The following TMEM196 variants were observed in gnomAD, a reference collection of about 807,000 sequenced individuals.
The protein encoded by TMEM196 is transmembrane protein 196.
TMEM196 carries 17 observed loss-of-function variants against 20.0 expected under a neutral mutation model. That is an observed-to-expected ratio of 0.85 (90% CI 0.58 to 1.27). The LOEUF is 1.27. Among genes scored for constraint, TMEM196 ranks in the 50% most tolerant of loss-of-function variants. TMEM196 has a pLI of 0.00. For missense variants in TMEM196, 267 were observed against 223.0 expected, an observed-to-expected ratio of 1.20 and a Z score of -1.26; for synonymous variants, 113 against 88.9, an observed-to-expected ratio of 1.27 and a Z score of -1.52.
intron 1 of TMEM196, among the ~76,000 whole-genome samples, chr7:19,766,704 C>T (rs778569650): frequency 9.9e-5 from 15 of 151,052 alleles, no homozygotes; most frequent in Admixed American, 9.3e-4. Flanking sequence ...CTTTAGTTTG[C>T]GTGTGTGTGT....
chr7:19,771,721 G>T (rs923329385), intron 1 of TMEM196, among the ~76,000 whole-genome samples: 2 of 152,148 alleles, frequency 1.3e-5, no homozygotes, highest in African/African-American at 4.8e-5. Context: ...TTGAATCTTG[G>T]TGGAAGAAAT....
chr7:19,760,963 C>T (rs1785411916), intron 1 of TMEM196, among the ~76,000 whole-genome samples: 1 of 152,214 alleles, frequency 6.6e-6, no homozygotes, highest in African/African-American at 2.4e-5. Flanking sequence ...GTCTTTTCCT[C>T]TTTTGTCTCA....
At chr7:19,769,418 T>A (rs1161877464) in intron 1 of TMEM196, among the ~76,000 whole-genome samples, 3 of 152,048 alleles carry the variant, frequency 2.0e-5, no homozygotes, top group Non-Finnish European at 4.4e-5. Flanking sequence ...TTTTCTATCC[T>A]TATCTTCCTC....
At chr7:19,724,249 C>T (rs972763877) in intron 4 of TMEM196, 31 bp downstream of exon 4, 1 of 1,545,814 alleles carries the variant, frequency 6.5e-7, no homozygotes, top group Non-Finnish European at 8.8e-7. Context: ...AGCGACATTA[C>T]AACATGGTAA....
At chr7:19,762,553 TC>T (rs1196180596) in intron 1 of TMEM196, among the ~76,000 whole-genome samples, 5 of 152,190 alleles carry the variant, frequency 3.3e-5, no homozygotes, top group Non-Finnish European at 5.9e-5. Context: ...TGTAGGTTAT[TC>T]CAATTTACAT....
chr7:19,772,330 C>G (rs1182413455), intron 1 of TMEM196, among the ~76,000 whole-genome samples: 1 of 139,674 alleles, frequency 7.2e-6, no homozygotes, highest in African/African-American at 2.8e-5. Context: ...TGGTCTTAAG[C>G]CCAAGTAAGA....
At chr7:19,771,873 A>G (rs941210953) in intron 1 of TMEM196, among the ~76,000 whole-genome samples, 6 of 152,214 alleles carry the variant, frequency 3.9e-5, no homozygotes, top group Non-Finnish European at 5.9e-5. Context: ...TTAGAATGTT[A>G]TTACACGTCT....
Position 19,733,659 on chromosome 7 carries a change from T to C in TMEM196, c.148-4221A>G, listed in dbSNP as rs1387405406. The stretch of plus-strand genomic sequence containing the variant: ...TGGAGGAAAAGTAGAAGATCCTTTT[T>C]TAAAAAAAAAAAAAAATACAGAGGG... On this transcript the variant is annotated intron_variant, in intron 1 of 4. Transcript: ENST00000405844. Among the ~76,000 whole-genome samples the C allele has an allele frequency of 3.1e-3, 464 of 148,308 alleles. 2 individuals carry two copies. The highest frequency in any genetic ancestry group is 0.011 in the African/African-American group (452 of 40,450).
rs950508759 is a variant in TMEM196, at chr7:19,720,957, T to A, written c.*1171A>T. 4 of 151,956 alleles carry A rather than the reference T, an allele frequency of 2.6e-5. No individual in the cohort carries two copies. Among genetic ancestry groups the A allele is most frequent in the African/African-American group, 9.6e-5 (4 of 41,458 alleles). The allele number at this position is 151,956 out of a possible 1,614,324, so 9.4% of individuals were successfully genotyped here. On this transcript the variant is annotated 3_prime_UTR_variant, in exon 5 of 5. Coordinates refer to ENST00000405844, the MANE Select transcript of TMEM196 (RefSeq NM_001363562.2). Reference sequence around the variant, plus strand: ...TCATCAATAATTTTAAGTCATGATATCTTTATAAATACGGAAGTATGTCAT... The same window carrying A: ...TCATCAATAATTTTAAGTCATGATAACTTTATAAATACGGAAGTATGTCAT...
intron 1 of TMEM196, among the ~76,000 whole-genome samples, chr7:19,730,273 AAAAG>A (rs1294014568): frequency 6.6e-6 from 1 of 151,990 alleles, no homozygotes; most frequent in Non-Finnish European, 1.5e-5. Context: ...AAAAAAAAAA[AAAAG>A]AACACAAAGG....
chr7:19,740,971 A>G (rs1562615105), intron 1 of TMEM196, among the ~76,000 whole-genome samples: 1 of 152,174 alleles, frequency 6.6e-6, no homozygotes, highest in Non-Finnish European at 1.5e-5. Flanking sequence ...TCCACCTTCA[A>G]TAACTAACAT....
At chr7:19,725,470 C>G (rs1386760895) in intron 3 of TMEM196, 44 bp downstream of exon 3, 2 of 1,562,974 alleles carry the variant, frequency 1.3e-6, no homozygotes, top group African/African-American at 2.7e-5. Context: ...GGACTTCAGT[C>G]TTCATCATGT....
rs1051340333 is a variant in TMEM196, at chr7:19,772,969, C to T, written c.-273G>A. 6.5e-6 allele frequency: 2 copies of T among 307,978 alleles called. No homozygotes were observed. The highest frequency in any genetic ancestry group is 1.0e-4 in the East Asian group (2 of 19,162). 19.1% of individuals were successfully genotyped at this position (307,978 alleles called of 1,614,324 possible). A position where few individuals can be genotyped will look rare whatever the true frequency, so the allele number is the denominator to read the frequency against. Reference sequence around the variant, plus strand: ...GTTCGGTGGTGCGAAGATTGCACACCGGTACCGGGGCTTTTAAGCAGCGGA... The same window carrying T: ...GTTCGGTGGTGCGAAGATTGCACACTGGTACCGGGGCTTTTAAGCAGCGGA... On this transcript the variant is annotated 5_prime_UTR_variant, in exon 1 of 5. Coordinates refer to ENST00000405844, the MANE Select transcript of TMEM196 (RefSeq NM_001363562.2).
In TMEM196 at chr7:19,772,798, C is replaced by G. The variant is rs1391904930; in HGVS notation, c.-102G>C. 2.6e-6 allele frequency: 3 copies of G among 1,161,478 alleles called. No homozygotes were observed. The highest frequency in any genetic ancestry group is 7.7e-5 in the Admixed American group (2 of 25,898). 71.9% of individuals were successfully genotyped at this position (1,161,478 alleles called of 1,614,324 possible). A position where few individuals can be genotyped will look rare whatever the true frequency, so the allele number is the denominator to read the frequency against. ...ACCCCTTCCACCCCCTACCAGATCC[C>G]AAAACTTTTCTTTCTTCAAGAGCGA... On this transcript the variant is annotated 5_prime_UTR_variant, in exon 1 of 5. Coordinates refer to ENST00000405844, the MANE Select transcript of TMEM196 (RefSeq NM_001363562.2).
At chr7:19,737,810 T>C (rs1784460580) in intron 1 of TMEM196, among the ~76,000 whole-genome samples, 1 of 151,948 alleles carries the variant, frequency 6.6e-6, no homozygotes, top group African/African-American at 2.4e-5. Context: ...GAAATAAAAC[T>C]ATTCTGTATG....
intron 1 of TMEM196, among the ~76,000 whole-genome samples, chr7:19,751,250 C>T (rs17141893): frequency 0.024 from 3,614 of 152,252 alleles, 72 homozygotes; most frequent in Non-Finnish European, 0.033. Flanking sequence ...TGGCTTTTCA[C>T]GTTGAGCTGC....
At chr7:19,733,089 A>G (rs1173410703) in intron 1 of TMEM196, among the ~76,000 whole-genome samples, 1 of 152,242 alleles carries the variant, frequency 6.6e-6, no homozygotes, top group Non-Finnish European at 1.5e-5. Flanking sequence ...GTAGCAATCT[A>G]ATGATAAGGC....
intron 1 of TMEM196, among the ~76,000 whole-genome samples, chr7:19,730,948 T>A (rs775077883): frequency 3.3e-5 from 5 of 152,188 alleles, no homozygotes; most frequent in Non-Finnish European, 7.4e-5. Context: ...GTGTTAACGT[T>A]CCCTAACATA....
intron 1 of TMEM196, among the ~76,000 whole-genome samples, chr7:19,767,970 C>T (rs548530515): frequency 6.6e-6 from 1 of 152,012 alleles, no homozygotes; most frequent in South Asian, 2.1e-4. Flanking sequence ...TAATATAGAT[C>T]AGAATGCACA....
Sources: allele counts gnomAD v4.1 joint callset (sites outside exome capture counted in the v4.1 genomes callset), GRCh38; gene constraint gnomAD v4.1.1; transcripts MANE v1.5; gene names NCBI Gene and HGNC (gene_info 2026-07-23, HGNC 2026-07-21).